Variants in BACH2 observed in about 807,000 individuals in gnomAD.
The protein encoded by BACH2 is BACH transcriptional regulator 2.
In BACH2, 5 loss-of-function variants were observed where a neutral mutation model predicts 61.8. The observed-to-expected ratio is 0.08, with a 90% confidence interval of 0.04 to 0.17. BACH2 has a LOEUF of 0.17. BACH2 is among the 10% of genes least tolerant of loss of function. The pLI, the probability that BACH2 is intolerant of heterozygous loss-of-function variation, is 1.00. For missense variants in BACH2, 824 were observed against 1,091.1 expected (o/e 0.76, Z 3.45); for synonymous variants, 446 against 440.1 (o/e 1.01, Z -0.17).
chr6:90,093,613 G>A (rs1782262890), intron 4 of BACH2, among the ~76,000 whole-genome samples: 1 of 152,186 alleles, frequency 6.6e-6, no homozygotes, highest in Non-Finnish European at 1.5e-5. Context: ...TGATTGGACA[G>A]TGCAGCCCTA....
chr6:89,976,441 A>C (rs1775656435), intron 6 of BACH2, among the ~76,000 whole-genome samples: 1 of 152,226 alleles, frequency 6.6e-6, no homozygotes, highest in Admixed American at 6.5e-5. Context: ...ACTCCAAAAC[A>C]AACTTGAAAG....
intron 5 of BACH2, among the ~76,000 whole-genome samples, chr6:90,076,457 T>C (rs931102999): frequency 6.6e-5 from 10 of 152,188 alleles, no homozygotes; most frequent in Non-Finnish European, 1.5e-4. Context: ...ATGATGTTCT[T>C]TCACATGTAC....
intron 3 of BACH2, among the ~76,000 whole-genome samples, chr6:90,240,272 T>C (rs1489384860): frequency 6.6e-6 from 1 of 152,216 alleles, no homozygotes; most frequent in Non-Finnish European, 1.5e-5. Flanking sequence ...TGTTAATCCT[T>C]TTGAAAACCT....
At position 89,928,744 on chromosome 6, in the gene BACH2, C is replaced by T. The variant is rs141143555; in HGVS notation, c.*3664G>A. 7.2e-3 allele frequency: 1,102 copies of T among 152,790 alleles called. 10 individuals carry two copies. The highest frequency in any genetic ancestry group is 0.012 in the Non-Finnish European group (816 of 68,012). 9.5% of individuals were successfully genotyped at this position (152,790 alleles called of 1,614,324 possible). A position where few individuals can be genotyped will look rare whatever the true frequency, so the allele number is the denominator to read the frequency against. ...TTAGAAAGACAGTTAATAAATTACT[C>T]GCACAACATTCAGTTGCAGACACAC... On this transcript the variant is annotated 3_prime_UTR_variant, in exon 9 of 9. Coordinates refer to ENST00000257749, the MANE Select transcript of BACH2 (RefSeq NM_021813.4).
At chr6:90,269,204 A>C (rs1771442479) in intron 2 of BACH2, among the ~76,000 whole-genome samples, 1 of 151,854 alleles carries the variant, frequency 6.6e-6, no homozygotes, top group Non-Finnish European at 1.5e-5. Context: ...CTCCGTGCAG[A>C]TTCTATTTAA....
intron 4 of BACH2, among the ~76,000 whole-genome samples, chr6:90,164,602 C>A (rs1253111368): frequency 6.6e-6 from 1 of 152,102 alleles, no homozygotes; most frequent in African/African-American, 2.4e-5. Context: ...CTGGCAGAGT[C>A]ACAACCAAAA....
At position 90,141,878 on chromosome 6, in the gene BACH2, C is replaced by T. The variant is rs907208151; in HGVS notation, c.-161-52769G>A. On this transcript the variant is annotated intron_variant, in intron 4 of 8. Transcript: ENST00000257749. Reference sequence around the variant, plus strand: ...GGCAGACCACTTAAGGCCAGGAGTTCGAGACCAACCTGGCCAACATGGCAA... The same window carrying T: ...GGCAGACCACTTAAGGCCAGGAGTTTGAGACCAACCTGGCCAACATGGCAA... 3.9e-5 allele frequency among the ~76,000 whole-genome samples: 6 copies of T among 152,286 alleles called. No homozygotes were observed. The East Asian group carries it at 1.2e-3, about 29-fold the overall frequency.
At chr6:90,176,133 T>C (rs1327471021) in intron 4 of BACH2, among the ~76,000 whole-genome samples, 2 of 152,210 alleles carry the variant, frequency 1.3e-5, no homozygotes, top group African/African-American at 4.8e-5. Context: ...GACCTGTGAA[T>C]GTAACAAATT....
chr6:90,034,722 C>T (rs1240606991), intron 5 of BACH2, among the ~76,000 whole-genome samples: 2 of 152,086 alleles, frequency 1.3e-5, no homozygotes, highest in African/African-American at 4.8e-5. Context: ...TGGTAATTTG[C>T]TATGTCATCC....
chr6:90,055,191 T>C (rs1780267583), intron 5 of BACH2, among the ~76,000 whole-genome samples: 1 of 152,180 alleles, frequency 6.6e-6, no homozygotes, highest in South Asian at 2.1e-4. Context: ...CAGGAGGAGC[T>C]TTGAACCAAT....
chr6:90,220,434 A>G (rs1028325992), intron 3 of BACH2, among the ~76,000 whole-genome samples: 4 of 152,222 alleles, frequency 2.6e-5, no homozygotes, highest in African/African-American at 9.7e-5. Context: ...AGAATGTCAG[A>G]TTTTATCAAT....
At chr6:90,006,832 A>G (rs1210854328) in intron 6 of BACH2, among the ~76,000 whole-genome samples, 1 of 152,012 alleles carries the variant, frequency 6.6e-6, no homozygotes, top group African/African-American at 2.4e-5. Context: ...TGCCCAAGAC[A>G]GTCTTGAACT....
At position 90,031,875 on chromosome 6, in the gene BACH2, A is replaced by C. The variant is rs998800504; in HGVS notation, c.-12-23019T>G. Among the ~76,000 whole-genome samples, 533 of 152,252 alleles carry C rather than the reference A, an allele frequency of 3.5e-3. 2 individuals carry two copies. The highest frequency in any genetic ancestry group is 6.6e-3 in the Non-Finnish European group (448 of 68,008). On this transcript the variant is annotated intron_variant, in intron 5 of 8. Coordinates refer to ENST00000257749, the MANE Select transcript of BACH2 (RefSeq NM_021813.4). ...ACTACTTTAAAGTTCATACGGAAAC[A>C]AAAAAAGAGCCCGCATTGCCAAGTC...
intron 1 of BACH2, among the ~76,000 whole-genome samples, chr6:90,293,478 C>G (rs1772244160): frequency 6.6e-6 from 1 of 152,192 alleles, no homozygotes; most frequent in Non-Finnish European, 1.5e-5. Context: ...ATCACAGGAG[C>G]CTCGATTAGG....
At chr6:90,266,685 T>C (rs1438912825) in intron 2 of BACH2, among the ~76,000 whole-genome samples, 1 of 152,108 alleles carries the variant, frequency 6.6e-6, no homozygotes, top group Non-Finnish European at 1.5e-5. Context: ...TCAATTTATA[T>C]GAAATATCCA....
chr6:90,072,850 G>A (rs1781299919), intron 5 of BACH2, among the ~76,000 whole-genome samples: 1 of 152,022 alleles, frequency 6.6e-6, no homozygotes, highest in Admixed American at 6.6e-5. Flanking sequence ...CTGACAGAGG[G>A]TAACAAGCAT....
intron 3 of BACH2, among the ~76,000 whole-genome samples, chr6:90,211,756 TA>T (rs1449151774): frequency 2.6e-5 from 4 of 152,198 alleles, no homozygotes; most frequent in African/African-American, 4.8e-5. Flanking sequence ...AAGCCTTCAG[TA>T]ATATATGTCA....
intron 4 of BACH2, among the ~76,000 whole-genome samples, chr6:90,131,573 A>G (rs1383751252): frequency 6.6e-6 from 1 of 152,232 alleles, no homozygotes; most frequent in Non-Finnish European, 1.5e-5. Context: ...GACTGTGGTC[A>G]TTAACGTAAC....
intron 6 of BACH2, among the ~76,000 whole-genome samples, chr6:89,959,855 GTTAAC>G: frequency 6.6e-6 from 1 of 152,298 alleles, no homozygotes; most frequent in Middle Eastern, 3.4e-3. Flanking sequence ...TCTTTTGCTG[GTTAAC>G]TTATTATCGG....
Sources: gnomAD v4.1 joint callset for allele counts (sites outside exome capture counted in the v4.1 genomes callset) on GRCh38, gnomAD v4.1.1 for gene constraint, MANE v1.5 for transcripts, NCBI Gene and HGNC (gene_info 2026-07-23, HGNC 2026-07-21) for gene names.